The following HCN1 variants were observed in gnomAD, a reference collection of about 807,000 sequenced individuals.
HCN1 encodes the protein hyperpolarization activated cyclic nucleotide gated potassium channel 1.
HCN1 carries 13 observed loss-of-function variants against 78.9 expected under a neutral mutation model. The observed-to-expected ratio is 0.16, with a 90% CI of 0.11 to 0.26. The LOEUF (loss-of-function observed/expected upper bound fraction) is 0.26. Among genes scored for constraint, HCN1 ranks in the 10% least tolerant of loss-of-function variants. HCN1 has a pLI of 1.00. For synonymous variants in HCN1, 552 were observed against 455.5 expected, an observed-to-expected ratio of 1.21 and a Z score of -2.70; for missense variants, 810 against 1,154.3, an observed-to-expected ratio of 0.70 and a Z score of 4.32.
At chr5:45,439,364 T>TA (rs950683390) in intron 3 of HCN1, among the ~76,000 whole-genome samples, 11 of 152,174 alleles carry the variant, frequency 7.2e-5, no homozygotes, top group African/African-American at 2.4e-4. Flanking sequence ...AATTTCACAT[T>TA]AAAAAAATAA....
chr5:45,311,261 T>G (rs1236841298), intron 5 of HCN1, among the ~76,000 whole-genome samples: 1 of 152,130 alleles, frequency 6.6e-6, no homozygotes, highest in Non-Finnish European at 1.5e-5. Context: ...AAAAATGTTG[T>G]TCCAAAGAAA....
intron 2 of HCN1, among the ~76,000 whole-genome samples, chr5:45,481,574 A>ATGGAGGACTGG (rs1741651639): frequency 6.6e-6 from 1 of 152,172 alleles, no homozygotes; most frequent in Non-Finnish European, 1.5e-5. Context: ...GATGAATGGA[A>ATGGAGGACTGG]AGGAACGTGT....
At chr5:45,283,231 G>T (rs189300853) in intron 6 of HCN1, among the ~76,000 whole-genome samples, 44 of 152,048 alleles carry the variant, frequency 2.9e-4, no homozygotes, top group Admixed American at 1.3e-3. Context: ...ATATAGGAAC[G>T]GCCAAATATT....
At chr5:45,430,288 T>C (rs932564756) in intron 3 of HCN1, among the ~76,000 whole-genome samples, 1 of 152,194 alleles carries the variant, frequency 6.6e-6, no homozygotes, top group Non-Finnish European at 1.5e-5. Context: ...CGATGATTCT[T>C]AACTTTTATT....
intron 3 of HCN1, among the ~76,000 whole-genome samples, chr5:45,396,945 T>C (rs893156826): frequency 6.6e-6 from 1 of 152,226 alleles, no homozygotes; most frequent in Non-Finnish European, 1.5e-5. Flanking sequence ...TTGTCAGTTT[T>C]AAGTTTGCTG....
intron 5 of HCN1, among the ~76,000 whole-genome samples, chr5:45,352,240 T>G (rs377624583): frequency 6.6e-6 from 1 of 151,770 alleles, no homozygotes. Context: ...ATGGATGAAA[T>G]TGGAAATCAT....
intron 4 of HCN1, among the ~76,000 whole-genome samples, chr5:45,389,980 G>C (rs1170801868): frequency 6.6e-6 from 1 of 151,954 alleles, no homozygotes; most frequent in Non-Finnish European, 1.5e-5. Flanking sequence ...CATAATCTAG[G>C]CTATTTCACA....
chr5:45,525,284 A>G (rs1041863117), intron 2 of HCN1, among the ~76,000 whole-genome samples: 1 of 151,986 alleles, frequency 6.6e-6, no homozygotes, highest in Non-Finnish European at 1.5e-5. Context: ...TAATTTTAAT[A>G]AAGGTAAGAT....
chr5:45,653,357 C>A (rs939960137), intron 1 of HCN1, among the ~76,000 whole-genome samples: 2 of 152,078 alleles, frequency 1.3e-5, no homozygotes, highest in Admixed American at 1.3e-4. Flanking sequence ...AGCATCTGAG[C>A]ACATCTACTA....
At chr5:45,523,576 A>G (rs917454834) in intron 2 of HCN1, among the ~76,000 whole-genome samples, 1 of 152,006 alleles carries the variant, frequency 6.6e-6, no homozygotes, top group African/African-American at 2.4e-5. Flanking sequence ...ATGGTATCTC[A>G]TTGTGGTTTT....
At chr5:45,451,257 T>G (rs905905791) in intron 3 of HCN1, among the ~76,000 whole-genome samples, 1 of 152,146 alleles carries the variant, frequency 6.6e-6, no homozygotes, top group Non-Finnish European at 1.5e-5. Flanking sequence ...TTTATTTACA[T>G]TTCTTTTTAA....
chr5:45,658,500 C>T (rs531157766), intron 1 of HCN1, among the ~76,000 whole-genome samples: 15 of 152,230 alleles, frequency 9.9e-5, no homozygotes, highest in Middle Eastern at 3.4e-3. Flanking sequence ...CCAGCGTGAG[C>T]GATGAAGAAG....
At chr5:45,551,958 C>A (rs1579964759) in intron 2 of HCN1, among the ~76,000 whole-genome samples, 1 of 151,830 alleles carries the variant, frequency 6.6e-6, no homozygotes, top group Non-Finnish European at 1.5e-5. Context: ...AGAATATATC[C>A]AAGCCACAGG....
chr5:45,497,976 C>T (rs1356187951), intron 2 of HCN1, among the ~76,000 whole-genome samples: 8 of 152,130 alleles, frequency 5.3e-5, no homozygotes, highest in Admixed American at 3.3e-4. Flanking sequence ...GATGGGCTTC[C>T]CTTTGAGGGT....
At chr5:45,419,224 T>A (rs1428277152) in intron 3 of HCN1, among the ~76,000 whole-genome samples, 1 of 152,114 alleles carries the variant, frequency 6.6e-6, no homozygotes. Context: ...TAGGAAAGCA[T>A]CATGGAAACA....
intron 3 of HCN1, among the ~76,000 whole-genome samples, chr5:45,416,478 G>T (rs1740122018): frequency 1.3e-5 from 2 of 151,882 alleles, no homozygotes; most frequent in Admixed American, 6.6e-5. Flanking sequence ...AGCAGAAATT[G>T]CTTTTGGTTT....
At chr5:45,296,765 C>T (rs559884910) in intron 6 of HCN1, among the ~76,000 whole-genome samples, 1 of 152,002 alleles carries the variant, frequency 6.6e-6, no homozygotes, top group South Asian at 2.1e-4. Flanking sequence ...AAAGAGGGGT[C>T]ATCACTATTG....
chr5:45,315,480 C>T (rs1442842673), intron 5 of HCN1, among the ~76,000 whole-genome samples: 1 of 152,060 alleles, frequency 6.6e-6, no homozygotes, highest in Non-Finnish European at 1.5e-5. Context: ...CTAAAATTGA[C>T]ACCCTAACAT....
chr5:45,399,147 C>T (rs964022700), intron 3 of HCN1, among the ~76,000 whole-genome samples: 9 of 152,198 alleles, frequency 5.9e-5, no homozygotes, highest in Non-Finnish European at 8.8e-5. Context: ...TCATCTCTCA[C>T]GACTGCCTTT....
Sources: gnomAD v4.1 joint callset for allele counts (sites outside exome capture counted in the v4.1 genomes callset) on GRCh38, gnomAD v4.1.1 for gene constraint, MANE v1.5 for transcripts, NCBI Gene and HGNC (gene_info 2026-07-23, HGNC 2026-07-21) for gene names.